The following DMXL1 variants were observed in gnomAD, a reference collection of about 807,000 sequenced individuals.
DMXL1 encodes the protein Dmx like 1.
DMXL1 carries 99 observed loss-of-function variants against 319.2 expected under a neutral mutation model. The ratio of observed to expected loss-of-function variants is 0.31; its 90% confidence interval spans 0.26 to 0.37. The LOEUF (loss-of-function observed/expected upper bound fraction) is 0.37. Among genes scored for constraint, DMXL1 ranks in the 10% least tolerant of loss-of-function variants. DMXL1 has a pLI of 1.00. For missense variants in DMXL1, 3,745 were observed against 3,595.6 expected (o/e 1.04, Z -1.06); for synonymous variants, 1,385 against 1,235.2 (o/e 1.12, Z -2.54).
intron 23 of DMXL1, among the ~76,000 whole-genome samples, chr5:119,168,072 A>G (rs560832003): frequency 1.3e-5 from 2 of 152,232 alleles, no homozygotes; most frequent in Non-Finnish European, 1.5e-5. Context: ...TTTACAAAAT[A>G]GATTTACATA....
intron 19 of DMXL1, among the ~76,000 whole-genome samples, chr5:119,154,169 A>C (rs1770476015): frequency 6.6e-6 from 1 of 152,238 alleles, no homozygotes; most frequent in Admixed American, 6.5e-5. Flanking sequence ...AAATTAGGAC[A>C]GTTTAACAAC....
chr5:119,093,313 T>G (rs1030225168), intron 1 of DMXL1, among the ~76,000 whole-genome samples: 1 of 152,164 alleles, frequency 6.6e-6, no homozygotes, highest in Non-Finnish European at 1.5e-5. Flanking sequence ...TTTTCATATT[T>G]TTAGTAGAGA....
chr5:119,180,554 C>G lies in DMXL1; in HGVS notation c.7135+2310C>G, dbSNP rs114060459. On this transcript the variant is annotated intron_variant, in intron 28 of 43. Transcript: ENST00000539542. ...TCTTATGCACATCAGATTTCATATG[C>G]AAATTTACCTTATTTGCCAAGTTTA... 3.9e-3 allele frequency among the ~76,000 whole-genome samples: 598 copies of G among 152,160 alleles called. 5 individuals are homozygous for G. Among genetic ancestry groups the G allele is most frequent in the African/African-American group, 0.014 (580 of 41,504 alleles).
intron 13 of DMXL1, 99 bp from the exon 14 acceptor site, chr5:119,143,742 A>G (rs1347257474): frequency 4.0e-6 from 3 of 743,166 alleles, no homozygotes; most frequent in Non-Finnish European, 6.3e-6. Flanking sequence ...GCCCACTTGA[A>G]TTTTATTGTT....
chr5:119,147,326 C>T lies in DMXL1; in HGVS notation c.2767C>T (p.Leu923=). 1 of 1,613,454 alleles carries T rather than the reference C, an allele frequency of 6.2e-7. No individual in the cohort carries two copies. Among genetic ancestry groups the T allele is most frequent in the Non-Finnish European group, 8.5e-7 (1 of 1,179,626 alleles). The change falls in exon 17 of 44, where the codon CTA becomes TTA. Residue 923 remains leucine (L), a synonymous_variant. Coordinates refer to ENST00000539542, the MANE Select transcript of DMXL1 (RefSeq NM_001290321.3). Reference sequence around the variant, plus strand: ...TTATTCTTCTTCTCCAGAGAAGATCCTATCTCCTTTTTCACAAAAGTATCA... The same window carrying T: ...TTATTCTTCTTCTCCAGAGAAGATCTTATCTCCTTTTTCACAAAAGTATCA... ...EHYSSSPEKI[L]SPFSQKYQAC... is the part of the protein sequence containing the mutation.
chr5:119,161,577 C>A (rs1240138444), intron 19 of DMXL1, among the ~76,000 whole-genome samples: 1 of 152,220 alleles, frequency 6.6e-6, no homozygotes, highest in African/African-American at 2.4e-5. Flanking sequence ...GCAGGCCTGT[C>A]TTCTAAGGAA....
chr5:119,114,024 G>A (rs978137579), intron 5 of DMXL1, among the ~76,000 whole-genome samples: 2 of 152,182 alleles, frequency 1.3e-5, no homozygotes, highest in African/African-American at 4.8e-5. Context: ...TATAGGTGAA[G>A]CTGGTAGGCT....
rs528788514 is a variant in DMXL1 at position 119,167,751 on chromosome 5, T to C, written c.5285T>C (p.Leu1762Ser). ...TCTCCTGTCAGTGAACTGTGTTCAT[T>C]GAACATAAATATGCATCATGATCCT... ...IDSPVSELCS[L>S]NINMHHDPFL... The change falls in exon 23 of 44, where the codon TTG (leucine) becomes TCG (serine). Residue 1762 changes from leucine (L) to serine (S), a missense_variant. Coordinates refer to ENST00000539542, the MANE Select transcript of DMXL1 (RefSeq NM_001290321.3). The C allele has an allele frequency of 3.7e-6, 6 of 1,613,728 alleles. 1 individual carries two copies. In the South Asian group the frequency reaches 4.4e-5, roughly 12 times the overall value.
chr5:119,227,957 A>C (rs528989837), intron 38 of DMXL1, among the ~76,000 whole-genome samples: 1 of 152,234 alleles, frequency 6.6e-6, no homozygotes, highest in African/African-American at 2.4e-5. Context: ...TACTTTGCCA[A>C]ATTTCCATAA....
At chr5:119,198,134 G>T (rs1376613648) in intron 32 of DMXL1, among the ~76,000 whole-genome samples, 178 bp downstream of exon 32, 1 of 151,966 alleles carries the variant, frequency 6.6e-6, no homozygotes, top group East Asian at 1.9e-4. Context: ...GATTACAGGC[G>T]CCTGCCACCA....
intron 1 of DMXL1, among the ~76,000 whole-genome samples, chr5:119,085,033 G>T (rs1374926370): frequency 6.6e-6 from 1 of 151,238 alleles, no homozygotes; most frequent in Admixed American, 6.6e-5. Context: ...CACTTCTTTG[G>T]TTAAATTAAT....
intron 32 of DMXL1, among the ~76,000 whole-genome samples, chr5:119,201,652 T>G (rs1276510364): frequency 6.6e-6 from 1 of 152,208 alleles, no homozygotes; most frequent in Non-Finnish European, 1.5e-5. Context: ...TGGTACCAGC[T>G]TTTCTTTGTA....
chr5:119,202,885 T>TTATA (rs372719854), intron 32 of DMXL1, among the ~76,000 whole-genome samples: 3,305 of 130,722 alleles, frequency 0.025, 61 homozygotes, highest in Non-Finnish European at 0.035. Flanking sequence ...ATATATATTT[T>TTATA]TATATATATA....
Position 119,181,950 on chromosome 5 carries a change from A to G in DMXL1, c.7135+3706A>G, listed in dbSNP as rs114589847. On this transcript the variant is annotated intron_variant, in intron 28 of 43. Transcript: ENST00000539542. ...ATCTCAGAACAGAAAATCAACCAAG[A>G]CAAGGAACTACTAGCAGCATTGGCT... Among the ~76,000 whole-genome samples the G allele has an allele frequency of 3.9e-3, 598 of 152,316 alleles. 5 individuals are homozygous for G. The highest frequency in any genetic ancestry group is 0.014 in the African/African-American group (580 of 41,570).
chr5:119,092,625 C>T lies in DMXL1; in HGVS notation c.88-5354C>T, dbSNP rs773332241. 8.5e-5 allele frequency among the ~76,000 whole-genome samples: 13 copies of T among 152,248 alleles called. No homozygotes were observed. The South Asian group carries it at 1.7e-3, about 19-fold the overall frequency. On this transcript the variant is annotated intron_variant, in intron 1 of 43. Coordinates refer to ENST00000539542, the MANE Select transcript of DMXL1 (RefSeq NM_001290321.3). ...TTTTCCTCACCCCCAAGAGAAATCC[C>T]GTGTCTATTACCAATCACTGTCTAT...
intron 1 of DMXL1, among the ~76,000 whole-genome samples, chr5:119,085,593 A>T (rs573720345): frequency 2.0e-5 from 3 of 152,148 alleles, no homozygotes; most frequent in African/African-American, 7.2e-5. Context: ...TTTTGGTGCA[A>T]TCTTAAGGCT....
chr5:119,125,772 G>C (rs1763409780), intron 9 of DMXL1, among the ~76,000 whole-genome samples: 1 of 151,948 alleles, frequency 6.6e-6, no homozygotes, highest in South Asian at 2.1e-4. Flanking sequence ...CACCATGTTA[G>C]CAAGGATGGT....
In DMXL1 at chr5:119,071,635, C is replaced by T. The variant is rs768228532; in HGVS notation, c.66C>T (p.Ser22=). 1.3e-6 allele frequency: 2 copies of T among 1,595,106 alleles called. No homozygotes were observed. Among genetic ancestry groups the T allele is most frequent in the Admixed American group, 3.5e-5 (2 of 57,686 alleles). Residue 22 remains serine, a synonymous_variant, in exon 1 of 44, where the codon AGC becomes AGT. Coordinates refer to ENST00000539542, the MANE Select transcript of DMXL1 (RefSeq NM_001290321.3). ...GCGACCACTGCTTCTCCGTGGGCAG[C>T]ATTGGCGACCAGCGCTTCACGGTGA... is the stretch of plus-strand genomic sequence containing the variant. ...NPGDHCFSVG[S]IGDQRFTAYA...
intron 1 of DMXL1, among the ~76,000 whole-genome samples, chr5:119,081,154 G>T (rs1362894825): frequency 6.6e-6 from 1 of 152,194 alleles, no homozygotes; most frequent in Non-Finnish European, 1.5e-5. Context: ...AAGAAAACCT[G>T]TGCTGGAGTC....
Sources: gnomAD v4.1 joint callset for allele counts (sites outside exome capture counted in the v4.1 genomes callset) on GRCh38, gnomAD v4.1.1 for gene constraint, MANE v1.5 for transcripts, NCBI Gene and HGNC (gene_info 2026-07-23, HGNC 2026-07-21) for gene names.